The following CEP192 variants were observed in gnomAD, a reference collection of about 807,000 sequenced individuals.
The protein encoded by CEP192 is centrosomal protein of 192 kDa.
In CEP192, 151 loss-of-function variants were observed where a neutral mutation model predicts 271.8. That is an observed-to-expected ratio of 0.56 (90% CI 0.49 to 0.64). The LOEUF is 0.64. Ranked by LOEUF, CEP192 falls within the 30% of genes least tolerant of loss-of-function variation. CEP192 has a pLI of 0.00. For missense variants in CEP192, 2,910 were observed against 3,020.5 expected (o/e 0.96, Z 0.86); for synonymous variants, 995 against 1,076.5 (o/e 0.92, Z 1.48).
intron 5 of CEP192, among the ~76,000 whole-genome samples, chr18:13,013,377 T>C (rs1260233699): frequency 6.6e-6 from 1 of 152,192 alleles, no homozygotes; most frequent in Non-Finnish European, 1.5e-5. Flanking sequence ...TGCCTGAGTG[T>C]CTGGAATGGT....
At chr18:13,074,010 G>A (rs1485711442) in intron 30 of CEP192, among the ~76,000 whole-genome samples, 2 of 151,370 alleles carry the variant, frequency 1.3e-5, no homozygotes. Flanking sequence ...AAAGCAATTA[G>A]AGATAAAAGT....
chr18:12,994,229 G>A (rs896560185), intron 1 of CEP192, among the ~76,000 whole-genome samples: 3 of 152,178 alleles, frequency 2.0e-5, no homozygotes, highest in Non-Finnish European at 2.9e-5. Context: ...AAATTTAAAT[G>A]GATGTGATTG....
At chr18:13,102,525 C>A (rs2039758471) in intron 38 of CEP192, among the ~76,000 whole-genome samples, 1 of 152,176 alleles carries the variant, frequency 6.6e-6, no homozygotes, top group Non-Finnish European at 1.5e-5. Flanking sequence ...TGGCTGCTGT[C>A]ACCTCATGCC....
At chr18:13,122,438 G>T (rs959482728) in intron 44 of CEP192, among the ~76,000 whole-genome samples, 2 of 152,080 alleles carry the variant, frequency 1.3e-5, no homozygotes, top group Non-Finnish European at 2.9e-5. Context: ...CAAAGTAGCC[G>T]GGCCTGGTGG....
chr18:12,998,510 G>A (rs990704657), intron 1 of CEP192, among the ~76,000 whole-genome samples: 1 of 152,164 alleles, frequency 6.6e-6, no homozygotes, highest in Non-Finnish European at 1.5e-5. Context: ...TACCTACATT[G>A]TAAGATTTTC....
Position 13,008,468 on chromosome 18 carries a change from GA to G in CEP192, c.308del (p.Lys103ArgfsTer65). On this transcript the variant is annotated frameshift_variant, in exon 4 of 45. Coordinates refer to ENST00000506447, the MANE Select transcript of CEP192 (RefSeq NM_032142.4). LOFTEE classifies it high-confidence loss of function. Reference sequence around the variant, plus strand: ...CCTAATAAAAAAGTTCTATCTCTAGGAAAAAGAGCTATGTGGAAAGTCAACG... The same window carrying G: ...CCTAATAAAAAAGTTCTATCTCTAGGAAAAGAGCTATGTGGAAAGTCAACG... ...SFQDDDSISR[K>X]KSYVESQRLS... 1.3e-6 allele frequency: 2 copies of G among 1,545,156 alleles called. No individual in the cohort carries two copies. Among genetic ancestry groups the G allele is most frequent in the Non-Finnish European group, 1.7e-6 (2 of 1,144,318 alleles).
In CEP192 at chr18:13,067,918, A is replaced by G. The variant is rs762385752; in HGVS notation, c.4576A>G (p.Thr1526Ala). 6.2e-7 allele frequency: 1 copy of G among 1,613,180 alleles called. No homozygotes were observed. The highest frequency in any genetic ancestry group is 1.3e-5 in the African/African-American group (1 of 74,934). The change falls in exon 22 of 45, where the codon ACG (threonine) becomes GCG (alanine). Residue 1526 changes from threonine (T) to alanine (A), a missense_variant. Transcript: ENST00000506447. The part of the protein sequence containing the change: ...KALPLKLINR[T>A]HATVPIRLII... Reference sequence around the variant, plus strand: ...CCTCCCACTAAAATTGATAAACCGAACGCATGCCACTGTGCCAATTAGACT... The same window carrying G: ...CCTCCCACTAAAATTGATAAACCGAGCGCATGCCACTGTGCCAATTAGACT...
chr18:13,044,256 A>C (rs2036359747), intron 15 of CEP192, among the ~76,000 whole-genome samples: 1 of 152,130 alleles, frequency 6.6e-6, no homozygotes, highest in African/African-American at 2.4e-5. Flanking sequence ...TGAGAATAAA[A>C]GTTTTATTTC....
At chr18:13,072,703 G>GT (rs2038073479) in intron 28 of CEP192, 52 bp from the exon 29 acceptor site, 1 of 1,210,808 alleles carries the variant, frequency 8.3e-7, no homozygotes, top group Non-Finnish European at 1.2e-6. Context: ...TCTTATAATG[G>GT]TAGCAATATC....
At chr18:12,997,839 C>T (rs1330211804) in intron 1 of CEP192, among the ~76,000 whole-genome samples, 1 of 152,122 alleles carries the variant, frequency 6.6e-6, no homozygotes, top group Non-Finnish European at 1.5e-5. Context: ...ATTCTCCTGC[C>T]TTAGCCTCCC....
rs945328245 is a variant in CEP192 at position 13,008,502 on chromosome 18, A to G, written c.337A>G (p.Asn113Asp). Residue 113 changes from asparagine to aspartate, a missense_variant, in exon 4 of 45, where the codon AAT (asparagine) becomes GAT (aspartate). Transcript: ENST00000506447. ...CTATGTGGAAAGTCAACGTTTGTCA[A>G]ATGCTCTCAGCAAACAGTCAGCTTT... ...KSYVESQRLSNALSKQSALQM... is the reference protein window; with the variant it reads ...KSYVESQRLSDALSKQSALQM... 1.4e-5 allele frequency: 22 copies of G among 1,551,218 alleles called. No individual in the cohort carries two copies. Among genetic ancestry groups the G allele is most frequent in the East Asian group, 4.9e-5 (2 of 40,932 alleles).
At position 13,085,910 on chromosome 18, in the gene CEP192, GT is replaced by G. The variant is rs199803427; in HGVS notation, c.5617-1097del. Among the ~76,000 whole-genome samples, 141 of 149,940 alleles carry G rather than the reference GT, an allele frequency of 9.4e-4. 1 individual carries two copies. Among genetic ancestry groups the G allele is most frequent in the African/African-American group, 3.1e-3 (127 of 40,994 alleles). ...TTGGTTCCATATGAACTTTAAAGTA[GT>G]TTTTTTTTTCTAATTCTGTGAAGAA... On this transcript the variant is annotated intron_variant, in intron 30 of 44. Coordinates refer to ENST00000506447, the MANE Select transcript of CEP192 (RefSeq NM_032142.4).
In CEP192 at chr18:13,114,191, T is replaced by C. The variant is rs377361096; in HGVS notation, c.7229T>C (p.Ile2410Thr). ...ACLSTDSLIK[I>T]DHLVKPRRQA... ...CTTTCCACGGATTCCCTCATTAAAA[T>C]AGATCATTTAGTTAAGCCCCGAAGA... The change falls in exon 42 of 45, where the codon ATA becomes ACA. Residue 2410 changes from isoleucine to threonine, a missense_variant. Physicochemically the swap from Ile to Thr is moderately conservative, Grantham distance 89. Transcript: ENST00000506447. 159 of 1,613,974 alleles carry C rather than the reference T, an allele frequency of 9.9e-5. 1 individual carries two copies. The highest frequency in any genetic ancestry group is 6.6e-4 in the Middle Eastern group (4 of 6,084).
chr18:13,099,285 C>T (rs192110249), intron 36 of CEP192, among the ~76,000 whole-genome samples, 191 bp from the exon 37 acceptor site: 23 of 152,074 alleles, frequency 1.5e-4, no homozygotes, highest in Admixed American at 1.1e-3. Flanking sequence ...CCTTGTAACC[C>T]GTTGAGTCGG....
chr18:13,113,095 G>A (rs1309175733), intron 40 of CEP192, among the ~76,000 whole-genome samples: 32 of 152,350 alleles, frequency 2.1e-4, no homozygotes, highest in Admixed American at 2.1e-3. Context: ...CATAATGCGA[G>A]CTGCCACTGT....
chr18:13,113,528 A>T, intron 40 of CEP192, 58 bp from the exon 41 acceptor site: 1 of 1,539,504 alleles, frequency 6.5e-7, no homozygotes. Flanking sequence ...CTGGTGATCT[A>T]GCTAACACTG....
intron 1 of CEP192, among the ~76,000 whole-genome samples, chr18:12,996,968 A>G (rs2033286608): frequency 6.6e-6 from 1 of 152,108 alleles, no homozygotes; most frequent in African/African-American, 2.4e-5. Flanking sequence ...TAAAGGGAGC[A>G]TGGATAGGTG....
intron 9 of CEP192, among the ~76,000 whole-genome samples, chr18:13,020,884 G>C (rs770071248): frequency 3.9e-5 from 6 of 152,136 alleles, no homozygotes; most frequent in African/African-American, 7.2e-5. Flanking sequence ...TTGGGGAATT[G>C]TTCATTTAAG....
chr18:13,083,436 A>G (rs140916315), intron 30 of CEP192, among the ~76,000 whole-genome samples: 69 of 152,254 alleles, frequency 4.5e-4, no homozygotes, highest in African/African-American at 1.6e-3. Flanking sequence ...TGCATCACGT[A>G]GTTCTTGTGC....
Sources: gnomAD v4.1 joint callset for allele counts (sites outside exome capture counted in the v4.1 genomes callset) on GRCh38, gnomAD v4.1.1 for gene constraint, MANE v1.5 for transcripts, NCBI Gene and HGNC (gene_info 2026-07-23, HGNC 2026-07-21) for gene names.